The following MAF variants were observed in gnomAD, a reference collection of about 807,000 sequenced individuals.
MAF encodes MAF bZIP transcription factor.
MAF carries 10 observed loss-of-function variants against 22.0 expected under a neutral mutation model. The ratio of observed to expected loss-of-function variants is 0.45; its 90% CI spans 0.28 to 0.77. MAF has a LOEUF of 0.77. MAF is among the 30% of genes least tolerant of loss of function. The pLI is 0.12. For missense variants in MAF, 544 were observed against 548.4 expected, an observed-to-expected ratio of 0.99 and a Z score of 0.08; for synonymous variants, 337 against 255.8, an observed-to-expected ratio of 1.32 and a Z score of -3.03.
At chr16:79,416,815 G>A in the MAF span, among the ~76,000 whole-genome samples, 1 of 152,188 alleles carries the variant, frequency 6.6e-6, no homozygotes, top group Non-Finnish European at 1.5e-5. Context: ...CCGCTGTGTT[G>A]TTTTTTGACT....
At chr16:79,334,175 C>G in the MAF span, among the ~76,000 whole-genome samples, 6 of 152,214 alleles carry the variant, frequency 3.9e-5, no homozygotes, top group East Asian at 5.8e-4. Context: ...ATTCCTAAAG[C>G]TGAGAACAGA....
chr16:79,232,569 G>A, the MAF span, among the ~76,000 whole-genome samples: 3 of 151,980 alleles, frequency 2.0e-5, no homozygotes, highest in African/African-American at 7.2e-5. Flanking sequence ...CCTAATATTA[G>A]AAGGACATTT....
the MAF span, among the ~76,000 whole-genome samples, chr16:79,571,170 T>C: frequency 2.0e-5 from 3 of 152,040 alleles, no homozygotes; most frequent in African/African-American, 7.2e-5. Flanking sequence ...TGACATTTCC[T>C]TAGAGAGAAG....
the MAF span, among the ~76,000 whole-genome samples, chr16:79,229,706 T>C: frequency 4.1e-4 from 62 of 152,146 alleles, no homozygotes; most frequent in Non-Finnish European, 6.8e-4. Flanking sequence ...CTCGTTGAGC[T>C]ATCTAGAGGA....
At chr16:79,216,562 T>C in the MAF span, among the ~76,000 whole-genome samples, 1 of 152,208 alleles carries the variant, frequency 6.6e-6, no homozygotes, top group Non-Finnish European at 1.5e-5. Context: ...GGCTAAGTGT[T>C]AAATGGTTGT....
At chr16:79,570,000 C>T in the MAF span, among the ~76,000 whole-genome samples, 1 of 147,708 alleles carries the variant, frequency 6.8e-6, no homozygotes, top group Non-Finnish European at 1.5e-5. Flanking sequence ...AGCCCCACTC[C>T]TGTCTTTGTT....
At chr16:79,488,049 G>A in the MAF span, among the ~76,000 whole-genome samples, 1 of 152,164 alleles carries the variant, frequency 6.6e-6, no homozygotes, top group Admixed American at 6.5e-5. Context: ...ATCAAGCATC[G>A]AAAAGTAGAA....
At chr16:79,217,196 G>T in the MAF span, among the ~76,000 whole-genome samples, 1 of 152,218 alleles carries the variant, frequency 6.6e-6, no homozygotes, top group Non-Finnish European at 1.5e-5. Context: ...TATGCTCATA[G>T]GATGAAAGTG....
the MAF span, among the ~76,000 whole-genome samples, chr16:79,524,567 G>A: frequency 1.3e-5 from 2 of 152,148 alleles, no homozygotes; most frequent in Non-Finnish European, 2.9e-5. Flanking sequence ...CCCTTCATAG[G>A]TTCCTCCATC....
the MAF span, among the ~76,000 whole-genome samples, chr16:79,533,461 T>C: frequency 6.6e-6 from 1 of 152,162 alleles, no homozygotes; most frequent in Non-Finnish European, 1.5e-5. Context: ...AAGGGTAGTG[T>C]GGTCATTCAC....
chr16:79,245,435 G>A, the MAF span, among the ~76,000 whole-genome samples: 3 of 152,040 alleles, frequency 2.0e-5, no homozygotes, highest in Non-Finnish European at 4.4e-5. Flanking sequence ...AGACATTTAT[G>A]CAGCCAACAA....
the MAF span, among the ~76,000 whole-genome samples, chr16:79,382,264 G>C: frequency 6.6e-6 from 1 of 152,222 alleles, no homozygotes. Context: ...AATCCTACTG[G>C]GGAAATTCAA....
the MAF span, among the ~76,000 whole-genome samples, chr16:79,479,483 C>G: frequency 6.6e-6 from 1 of 152,210 alleles, no homozygotes; most frequent in Non-Finnish European, 1.5e-5. Flanking sequence ...TGGTTCTGTA[C>G]TTGAATGGAA....
the MAF span, among the ~76,000 whole-genome samples, chr16:79,222,979 G>A: frequency 1.3e-5 from 2 of 152,066 alleles, no homozygotes; most frequent in East Asian, 3.8e-4. Flanking sequence ...AAATTAACAA[G>A]GATATCCAGG....
At chr16:79,477,885 A>G in the MAF span, among the ~76,000 whole-genome samples, 1 of 151,534 alleles carries the variant, frequency 6.6e-6, no homozygotes, top group African/African-American at 2.4e-5. Flanking sequence ...CCACCAGGCC[A>G]GCTAATTTTT....
chr16:79,313,890 AGCCT>A, the MAF span, among the ~76,000 whole-genome samples: 3 of 152,294 alleles, frequency 2.0e-5, no homozygotes, highest in African/African-American at 7.2e-5. Context: ...AAACTTTCTG[AGCCT>A]GCCTGTTCAT....
At chr16:79,558,422 A>G in the MAF span, among the ~76,000 whole-genome samples, 1 of 152,214 alleles carries the variant, frequency 6.6e-6, no homozygotes, top group Non-Finnish European at 1.5e-5. Context: ...TAATTACATT[A>G]ATCAGATTTG....
chr16:79,497,857 C>G, the MAF span, among the ~76,000 whole-genome samples: 34 of 152,356 alleles, frequency 2.2e-4, no homozygotes, highest in African/African-American at 7.7e-4. Context: ...CTGATTCCTG[C>G]AATGCCTTGC....
the MAF span, among the ~76,000 whole-genome samples, chr16:79,312,818 T>G: frequency 0.016 from 2,418 of 152,296 alleles, 16 homozygotes; most frequent in Middle Eastern, 0.044. Flanking sequence ...TCAGATTGTC[T>G]TCGGCTACAT....
Sources: gnomAD v4.1 joint callset for allele counts (sites outside exome capture counted in the v4.1 genomes callset) on GRCh38, gnomAD v4.1.1 for gene constraint, MANE v1.5 for transcripts, NCBI Gene and HGNC (gene_info 2026-07-23, HGNC 2026-07-21) for gene names.